The following CDH12 variants were observed in gnomAD, a reference collection of about 807,000 sequenced individuals.
CDH12 encodes the protein cadherin-12.
In CDH12, 41 loss-of-function variants were observed where a neutral mutation model predicts 74.1. The ratio of observed to expected loss-of-function variants is 0.55; its 90% confidence interval spans 0.43 to 0.72. The LOEUF (loss-of-function observed/expected upper bound fraction) is 0.72, where lower values mean the gene tolerates loss of function less well. Among genes scored for constraint, CDH12 ranks in the 30% least tolerant of loss-of-function variants. The pLI is 0.00. For synonymous variants in CDH12, 399 were observed against 355.0 expected (o/e 1.12, Z -1.39); for missense variants, 945 against 977.2 (o/e 0.97, Z 0.44).
intron 1 of CDH12, among the ~76,000 whole-genome samples, chr5:22,845,868 G>A (rs550947651): frequency 5.3e-5 from 8 of 152,160 alleles, no homozygotes; most frequent in South Asian, 2.1e-4. Context: ...AGTTGGGGTC[G>A]GGGAGAAGGG....
intron 6 of CDH12, among the ~76,000 whole-genome samples, chr5:21,966,161 T>TC (rs1756573824): frequency 9.8e-6 from 1 of 102,230 alleles, no homozygotes; most frequent in Admixed American, 1.0e-4. Context: ...TTTTTACGTT[T>TC]TTTTTTTTTT....
intron 4 of CDH12, among the ~76,000 whole-genome samples, chr5:22,108,697 A>T (rs1470140196): frequency 6.6e-6 from 1 of 152,210 alleles, no homozygotes; most frequent in Non-Finnish European, 1.5e-5. Flanking sequence ...GAAGTTTAAC[A>T]CTTAGACATA....
rs552626367 is a variant in CDH12 at position 22,433,149 on chromosome 5, C to G, written c.-427-27798G>C. Among the ~76,000 whole-genome samples the G allele has an allele frequency of 5.9e-5, 9 of 152,252 alleles. No individual in the cohort carries two copies. The South Asian group carries it at 1.9e-3, about 32-fold the overall frequency. ...CTTCAGTTTAGTCACAAAGCCTGTG[C>G]TCAGCCCTGTGTTTTCTTTTTCATG... On this transcript the variant is annotated intron_variant, in intron 2 of 14. Coordinates refer to ENST00000382254, the MANE Select transcript of CDH12 (RefSeq NM_004061.5).
chr5:22,173,799 T>G (rs1749181464), intron 4 of CDH12, among the ~76,000 whole-genome samples: 1 of 151,872 alleles, frequency 6.6e-6, no homozygotes, highest in African/African-American at 2.4e-5. Flanking sequence ...CATAATTTTT[T>G]GCAATACTAA....
At chr5:22,760,638 C>G (rs1465575123) in intron 1 of CDH12, among the ~76,000 whole-genome samples, 5 of 116,256 alleles carry the variant, frequency 4.3e-5, no homozygotes, top group Admixed American at 2.4e-4. Flanking sequence ...GAGATCATGT[C>G]ATTGCACTCC....
rs893084455 is a variant in CDH12 at position 22,045,608 on chromosome 5, A to G, written c.231+32838T>C. ...AAATGGTACACTATTCAGCCAAAAA[A>G]AAAAAAAAACAATAAAATCTTGTCT... On this transcript the variant is annotated intron_variant, in intron 5 of 14. Coordinates refer to ENST00000382254, the MANE Select transcript of CDH12 (RefSeq NM_004061.5). 3.7e-3 allele frequency among the ~76,000 whole-genome samples: 558 copies of G among 151,952 alleles called. 8 individuals are homozygous for G. Among genetic ancestry groups the G allele is most frequent in the African/African-American group, 0.013 (522 of 41,420 alleles).
chr5:22,739,803 G>C (rs1744930028), intron 1 of CDH12, among the ~76,000 whole-genome samples: 1 of 151,944 alleles, frequency 6.6e-6, no homozygotes, highest in Admixed American at 6.6e-5. Context: ...GTGTGAACTA[G>C]TACAATGGAG....
chr5:22,088,214 G>T (rs868686621), intron 4 of CDH12, among the ~76,000 whole-genome samples: 1 of 152,216 alleles, frequency 6.6e-6, no homozygotes, highest in African/African-American at 2.4e-5. Flanking sequence ...CTCTAGAAAT[G>T]GTCTTAAGTG....
chr5:22,818,664 T>A (rs1189901216), intron 1 of CDH12, among the ~76,000 whole-genome samples: 1 of 151,880 alleles, frequency 6.6e-6, no homozygotes, highest in Non-Finnish European at 1.5e-5. Context: ...AGCATGTCAA[T>A]GATTTTAATA....
rs189042509 is a variant in CDH12 at position 22,026,166 on chromosome 5, G to A, written c.232-50781C>T. ...CAATTTACTTTGCCCAGATCCATCAGAGGCATGGCGCCAGGCACTTAGTGA... is the reference window on the plus strand; with the variant it reads ...CAATTTACTTTGCCCAGATCCATCAAAGGCATGGCGCCAGGCACTTAGTGA... On this transcript the variant is annotated intron_variant, in intron 5 of 14. Transcript: ENST00000382254. 2.0e-3 allele frequency among the ~76,000 whole-genome samples: 312 copies of A among 152,216 alleles called. 4 individuals carry two copies. Among genetic ancestry groups the A allele is most frequent in the African/African-American group, 6.9e-3 (287 of 41,536 alleles).
At chr5:22,463,769 T>C (rs1291143937) in intron 2 of CDH12, among the ~76,000 whole-genome samples, 1 of 152,154 alleles carries the variant, frequency 6.6e-6, no homozygotes, top group Non-Finnish European at 1.5e-5. Context: ...ATCCCCTTTA[T>C]TGTTAAATGA....
chr5:22,099,370 A>C (rs938972238), intron 4 of CDH12, among the ~76,000 whole-genome samples: 1 of 152,190 alleles, frequency 6.6e-6, no homozygotes, highest in African/African-American at 2.4e-5. Context: ...TGATCTTTTA[A>C]AAACACATCT....
intron 12 of CDH12, among the ~76,000 whole-genome samples, chr5:21,760,902 C>A (rs1298010488): frequency 6.6e-6 from 1 of 152,068 alleles, no homozygotes; most frequent in Non-Finnish European, 1.5e-5. Flanking sequence ...CAAATTGATA[C>A]CTGCGTAACT....
intron 2 of CDH12, among the ~76,000 whole-genome samples, chr5:22,434,644 C>G (rs1295496589): frequency 6.6e-6 from 1 of 152,142 alleles, no homozygotes; most frequent in African/African-American, 2.4e-5. Flanking sequence ...CATGCACAAT[C>G]TTGCAGACTT....
At chr5:22,032,527 A>G (rs1319402775) in intron 5 of CDH12, among the ~76,000 whole-genome samples, 1 of 151,898 alleles carries the variant, frequency 6.6e-6, no homozygotes, top group Non-Finnish European at 1.5e-5. Flanking sequence ...CCTAGCCAAC[A>G]TGGTGAAACC....
intron 8 of CDH12, among the ~76,000 whole-genome samples, chr5:21,833,010 AATATATG>A (rs1412287851): frequency 3.8e-5 from 2 of 52,500 alleles, no homozygotes; most frequent in East Asian, 6.4e-4. Flanking sequence ...TATTATATAT[AATATATG>A]ATATAATATA....
At chr5:22,464,079 C>T (rs1402325720) in intron 2 of CDH12, among the ~76,000 whole-genome samples, 1 of 152,110 alleles carries the variant, frequency 6.6e-6, no homozygotes, top group Non-Finnish European at 1.5e-5. Flanking sequence ...CTTTCCTGTG[C>T]TATTCTTGTG....
At chr5:21,858,040 G>T (rs1339724870) in intron 6 of CDH12, among the ~76,000 whole-genome samples, 2 of 150,954 alleles carry the variant, frequency 1.3e-5, no homozygotes, top group African/African-American at 2.4e-5. Context: ...TTTTAATAAG[G>T]TCACCACTTC....
At chr5:22,279,496 G>A (rs1045839226) in intron 3 of CDH12, among the ~76,000 whole-genome samples, 1 of 151,984 alleles carries the variant, frequency 6.6e-6, no homozygotes, top group Non-Finnish European at 1.5e-5. Context: ...ATTTACATTA[G>A]GTATATCTCC....
Sources: gnomAD v4.1 joint callset for allele counts (sites outside exome capture counted in the v4.1 genomes callset) on GRCh38, gnomAD v4.1.1 for gene constraint, MANE v1.5 for transcripts, NCBI Gene and HGNC (gene_info 2026-07-23, HGNC 2026-07-21) for gene names.